SLC24A2: variants seen among roughly 807,000 people sequenced by gnomAD.
The protein encoded by SLC24A2 is solute carrier family 24 member 2, also known as sodium/potassium/calcium exchanger 2.
Under a neutral mutation model 62.0 loss-of-function variants are expected in SLC24A2, and 36 were observed. The observed-to-expected ratio is 0.58, with a 90% confidence interval of 0.44 to 0.77. The LOEUF is 0.77. Ranked by LOEUF, SLC24A2 falls within the 30% of genes least tolerant of loss-of-function variation. The pLI, the probability that SLC24A2 is intolerant of heterozygous loss-of-function variation, is 0.00. For missense variants in SLC24A2, 846 were observed against 817.9 expected, an observed-to-expected ratio of 1.03 and a Z score of -0.42; for synonymous variants, 358 against 294.0, an observed-to-expected ratio of 1.22 and a Z score of -2.23.
chr9:19,875,007 A>G, the SLC24A2 span, among the ~76,000 whole-genome samples: 6 of 151,722 alleles, frequency 4.0e-5, no homozygotes, highest in Non-Finnish European at 8.8e-5. Context: ...AAAAAAAAAA[A>G]AAAAAAAAAA....
At chr9:20,205,790 A>G in the SLC24A2 span, among the ~76,000 whole-genome samples, 5 of 152,168 alleles carry the variant, frequency 3.3e-5, no homozygotes, top group Non-Finnish European at 7.3e-5. Context: ...ACTATTTGCT[A>G]TCAGTTATGA....
chr9:19,783,493 A>G (rs1258364839), intron 2 of SLC24A2, among the ~76,000 whole-genome samples: 1 of 152,180 alleles, frequency 6.6e-6, no homozygotes, highest in Non-Finnish European at 1.5e-5. Context: ...TAAGCTACAC[A>G]GTCAGAATTC....
At chr9:19,655,943 C>T (rs771817153) in intron 2 of SLC24A2, among the ~76,000 whole-genome samples, 6 of 152,126 alleles carry the variant, frequency 3.9e-5, no homozygotes, top group Non-Finnish European at 8.8e-5. Context: ...TCTAAAGGTG[C>T]CATACTTGAT....
At chr9:19,543,982 C>A (rs998898474) in intron 8 of SLC24A2, among the ~76,000 whole-genome samples, 4 of 152,072 alleles carry the variant, frequency 2.6e-5, no homozygotes, top group Non-Finnish European at 4.4e-5. Context: ...TCCTGGATAT[C>A]CTTGCTAATT....
the SLC24A2 span, among the ~76,000 whole-genome samples, chr9:19,797,779 G>T: frequency 1.3e-5 from 2 of 152,180 alleles, no homozygotes; most frequent in Non-Finnish European, 2.9e-5. Flanking sequence ...CTCTGGCTTA[G>T]CTTCTACAGA....
chr9:20,275,003 T>C, the SLC24A2 span, among the ~76,000 whole-genome samples: 42 of 152,046 alleles, frequency 2.8e-4, no homozygotes, highest in East Asian at 7.5e-3. Context: ...GATGACAGGA[T>C]TAGGGGTGGA....
the SLC24A2 span, among the ~76,000 whole-genome samples, chr9:20,090,104 A>C: frequency 6.6e-6 from 1 of 152,030 alleles, no homozygotes; most frequent in Non-Finnish European, 1.5e-5. Flanking sequence ...AGCTGACCCA[A>C]GGAGAGGAAG....
chr9:20,265,935 C>T, the SLC24A2 span, among the ~76,000 whole-genome samples: 2 of 152,182 alleles, frequency 1.3e-5, no homozygotes, highest in Non-Finnish European at 2.9e-5. Context: ...AAAGAAGCCT[C>T]AGTCTCCCAT....
chr9:19,944,379 T>C, the SLC24A2 span, among the ~76,000 whole-genome samples: 51 of 144,692 alleles, frequency 3.5e-4, no homozygotes, highest in East Asian at 9.7e-3. Context: ...CTCAACATCA[T>C]GCAATATACC....
intron 2 of SLC24A2, among the ~76,000 whole-genome samples, chr9:19,729,390 A>G (rs961046907): frequency 1.3e-5 from 2 of 152,224 alleles, no homozygotes; most frequent in Admixed American, 6.5e-5. Context: ...AAGAAAGGAA[A>G]GAAGTGTATT....
At chr9:20,076,906 C>A in the SLC24A2 span, among the ~76,000 whole-genome samples, 1 of 137,572 alleles carries the variant, frequency 7.3e-6, no homozygotes, top group African/African-American at 2.7e-5. Flanking sequence ...ATATATATAT[C>A]ATATATATAC....
chr9:19,579,609 A>T (rs530249741), intron 5 of SLC24A2, among the ~76,000 whole-genome samples: 3 of 152,220 alleles, frequency 2.0e-5, no homozygotes, highest in African/African-American at 7.2e-5. Context: ...AATATTTGCT[A>T]TTGGAAAATT....
the SLC24A2 span, among the ~76,000 whole-genome samples, chr9:20,257,108 T>C: frequency 1.3e-5 from 2 of 152,174 alleles, no homozygotes; most frequent in Admixed American, 6.5e-5. Context: ...ATCAATCTGT[T>C]TTTAAATTGG....
the SLC24A2 span, among the ~76,000 whole-genome samples, chr9:20,132,213 T>C: frequency 1.3e-5 from 2 of 152,000 alleles, no homozygotes; most frequent in Non-Finnish European, 2.9e-5. Flanking sequence ...AGAACAGTTA[T>C]TTGGGCTTCA....
At position 19,534,319 on chromosome 9, in the gene SLC24A2, G is replaced by C. The variant is rs539332398; in HGVS notation, c.1480-6181C>G. On this transcript the variant is annotated intron_variant, in intron 8 of 10. Coordinates refer to ENST00000341998, the MANE Select transcript of SLC24A2 (RefSeq NM_020344.4). Reference sequence around the variant, plus strand: ...CCTGGTTTCCTTTACTAGACTTAGAGTGCCTTAACAATATAAATTGTACAT... The same window carrying C: ...CCTGGTTTCCTTTACTAGACTTAGACTGCCTTAACAATATAAATTGTACAT... Among the ~76,000 whole-genome samples the C allele has an allele frequency of 2.5e-3, 376 of 152,270 alleles. 2 individuals carry two copies. The highest frequency in any genetic ancestry group is 4.3e-3 in the Non-Finnish European group (292 of 68,016).
the SLC24A2 span, among the ~76,000 whole-genome samples, chr9:20,020,502 A>C: frequency 6.6e-6 from 1 of 152,292 alleles, no homozygotes; most frequent in East Asian, 1.9e-4. Context: ...GTTCTTACTC[A>C]TAAGTGGGAG....
intron 2 of SLC24A2, among the ~76,000 whole-genome samples, chr9:19,641,251 C>G (rs1251284007): frequency 6.6e-6 from 1 of 152,234 alleles, no homozygotes; most frequent in East Asian, 1.9e-4. Context: ...GAACTCTGCC[C>G]TCTTGTGTTC....
At chr9:20,008,700 A>G in the SLC24A2 span, among the ~76,000 whole-genome samples, 4 of 152,146 alleles carry the variant, frequency 2.6e-5, no homozygotes, top group African/African-American at 9.7e-5. Context: ...GGAAAGAAGC[A>G]GCCTCTAGAC....
intron 2 of SLC24A2, among the ~76,000 whole-genome samples, chr9:19,703,821 T>A (rs1261733058): frequency 6.6e-6 from 1 of 152,218 alleles, no homozygotes; most frequent in Non-Finnish European, 1.5e-5. Context: ...CTATGAAGTA[T>A]GTAATCATAG....
Sources: allele counts gnomAD v4.1 joint callset (sites outside exome capture counted in the v4.1 genomes callset), GRCh38; gene constraint gnomAD v4.1.1; transcripts MANE v1.5; gene names NCBI Gene and HGNC (gene_info 2026-07-23, HGNC 2026-07-21).